ADAMTSL1: variants seen among roughly 807,000 people sequenced by gnomAD.
ADAMTSL1 encodes ADAMTS like 1.
A neutral mutation model predicts 201.8 loss-of-function variants in ADAMTSL1; 126 were observed. The observed-to-expected ratio is 0.62, with a 90% CI of 0.54 to 0.72. The LOEUF is 0.72. Ranked by LOEUF, ADAMTSL1 falls within the 30% of genes least tolerant of loss-of-function variation. The pLI, the probability that ADAMTSL1 is intolerant of heterozygous loss-of-function variation, is 0.00. For synonymous variants in ADAMTSL1, 1,121 were observed against 903.4 expected (o/e 1.24, Z -4.32); for missense variants, 2,679 against 2,277.8 (o/e 1.18, Z -3.59).
At chr9:18,886,183 T>TACACACAC (rs1382243934) in intron 23 of ADAMTSL1, among the ~76,000 whole-genome samples, 6 of 121,178 alleles carry the variant, frequency 5.0e-5, no homozygotes, top group Admixed American at 4.9e-4. Context: ...TATATATATA[T>TACACACAC]ATATATATAT....
intron 27 of ADAMTSL1, 108 bp downstream of exon 27, chr9:18,905,999 C>T (rs1830289728): frequency 1.1e-6 from 1 of 930,120 alleles, no homozygotes; most frequent in Non-Finnish European, 1.6e-6. Flanking sequence ...GTCCCAAGCC[C>T]TGCCTGGGAC....
At chr9:17,942,795 ACCTTGTAG>A (rs1376903430) in intron 1 of ADAMTSL1, among the ~76,000 whole-genome samples, 1 of 152,174 alleles carries the variant, frequency 6.6e-6, no homozygotes, top group African/African-American at 2.4e-5. Context: ...ATAATTAGGT[ACCTTGTAG>A]TCTCAATAAA....
intron 3 of ADAMTSL1, among the ~76,000 whole-genome samples, chr9:18,559,466 C>G (rs1314771015): frequency 6.6e-6 from 1 of 151,954 alleles, no homozygotes; most frequent in African/African-American, 2.4e-5. Context: ...GTTCTTTTTG[C>G]TTAGAATTTT....
rs1489849389 is a variant in ADAMTSL1, at chr9:18,817,373, G to T, written c.3934+136G>T. ...GAAAGCCAAAGCATGAACCTCAGTC[G>T]CTCTGAAAGTAGAAAGTGCTACAGA... On this transcript the variant is annotated intron_variant, in intron 21 of 28. Coordinates refer to ENST00000380548, the MANE Select transcript of ADAMTSL1 (RefSeq NM_001040272.6). 1.1e-4 allele frequency: 90 copies of T among 857,116 alleles called. 1 individual carries two copies. The highest frequency in any genetic ancestry group is 1.7e-6 in the Non-Finnish European group (1 of 582,086). The allele number at this position is 857,116 out of a possible 1,614,324, so 53.1% of individuals were successfully genotyped here. A position where few individuals can be genotyped will look rare whatever the true frequency, so the allele number is the denominator to read the frequency against.
At chr9:18,573,988 TC>T in intron 3 of ADAMTSL1, 41 bp from the exon 4 acceptor site, 1 of 1,532,642 alleles carries the variant, frequency 6.5e-7, no homozygotes, top group South Asian at 1.2e-5. Context: ...TTTGGGGGTA[TC>T]CTCCTAACCT....
rs141022715 is a variant in ADAMTSL1 at position 18,819,490 on chromosome 9, C to A, written c.3934+2253C>A. 6.0e-5 allele frequency among the ~76,000 whole-genome samples: 9 copies of A among 149,842 alleles called. No individual in the cohort carries two copies. The East Asian group carries it at 1.8e-3, about 29-fold the overall frequency. Reference sequence around the variant, plus strand: ...AAAAAAATAGGGGAGGAAAGTGCAGCAAAACAAGGAAATGGGCATTTAAAG... The same window carrying A: ...AAAAAAATAGGGGAGGAAAGTGCAGAAAAACAAGGAAATGGGCATTTAAAG... On this transcript the variant is annotated intron_variant, in intron 21 of 28. Transcript: ENST00000380548.
intron 16 of ADAMTSL1, among the ~76,000 whole-genome samples, chr9:18,763,839 T>A (rs1820211278): frequency 6.6e-6 from 1 of 152,182 alleles, no homozygotes; most frequent in African/African-American, 2.4e-5. Context: ...ATTCCATTGG[T>A]CTATATGTCT....
chr9:18,783,789 A>C (rs1821541899), intron 19 of ADAMTSL1, among the ~76,000 whole-genome samples: 1 of 152,200 alleles, frequency 6.6e-6, no homozygotes, highest in African/African-American at 2.4e-5. Context: ...ACAAACAAAA[A>C]ATTATAATAT....
At chr9:18,064,848 G>C (rs1384586867) in intron 1 of ADAMTSL1, among the ~76,000 whole-genome samples, 1 of 150,154 alleles carries the variant, frequency 6.7e-6, no homozygotes, top group Non-Finnish European at 1.5e-5. Flanking sequence ...AGATGTCTTT[G>C]AGTCAAGACA....
chr9:18,542,583 GAC>G (rs1161021000), intron 3 of ADAMTSL1, among the ~76,000 whole-genome samples: 1 of 152,172 alleles, frequency 6.6e-6, no homozygotes, highest in Admixed American at 6.5e-5. Flanking sequence ...GACATGTGAA[GAC>G]ACAGAAGAAG....
At chr9:18,573,756 G>C (rs774108668) in intron 3 of ADAMTSL1, among the ~76,000 whole-genome samples, 3 of 152,284 alleles carry the variant, frequency 2.0e-5, no homozygotes, top group Non-Finnish European at 2.9e-5. Flanking sequence ...AAAAATGTAT[G>C]TCCCACCTAA....
intron 17 of ADAMTSL1, among the ~76,000 whole-genome samples, chr9:18,772,429 AGGTCCCATT>A (rs1221976721): frequency 3.3e-5 from 5 of 152,274 alleles, no homozygotes; most frequent in Admixed American, 2.0e-4. Context: ...ACTAAGAAAA[AGGTCCCATT>A]GGTCCCATTA....
intron 9 of ADAMTSL1, among the ~76,000 whole-genome samples, chr9:18,663,280 T>C (rs987438424): frequency 1.3e-5 from 2 of 152,158 alleles, no homozygotes; most frequent in Non-Finnish European, 2.9e-5. Flanking sequence ...GAACTCAGAA[T>C]AACAGGTTTT....
At chr9:18,376,542 T>C (rs1465170194) in intron 2 of ADAMTSL1, among the ~76,000 whole-genome samples, 1 of 152,180 alleles carries the variant, frequency 6.6e-6, no homozygotes, top group South Asian at 2.1e-4. Context: ...CGGTGGCTCA[T>C]GCCTGTAATC....
intron 2 of ADAMTSL1, among the ~76,000 whole-genome samples, chr9:18,258,343 T>A (rs930390658): frequency 1.3e-5 from 2 of 152,116 alleles, no homozygotes; most frequent in African/African-American, 4.8e-5. Flanking sequence ...CGAGGAATTA[T>A]CTGAAATAAA....
At chr9:18,842,909 A>G (rs1337776914) in intron 23 of ADAMTSL1, among the ~76,000 whole-genome samples, 1 of 151,854 alleles carries the variant, frequency 6.6e-6, no homozygotes, top group Non-Finnish European at 1.5e-5. Context: ...CCATCCTTTT[A>G]TTTTGAGCCT....
intron 15 of ADAMTSL1, among the ~76,000 whole-genome samples, chr9:18,729,935 G>A (rs117850222): frequency 0.016 from 2,365 of 152,306 alleles, 35 homozygotes; most frequent in Middle Eastern, 0.027. Flanking sequence ...ACTTTCTTCT[G>A]TGGATATGGT....
chr9:17,998,053 C>T (rs1250422585), intron 1 of ADAMTSL1, among the ~76,000 whole-genome samples: 2 of 152,038 alleles, frequency 1.3e-5, no homozygotes, highest in African/African-American at 4.8e-5. Flanking sequence ...ACTGAATATT[C>T]TCCATTAATA....
intron 1 of ADAMTSL1, among the ~76,000 whole-genome samples, chr9:17,918,297 C>G (rs1266449922): frequency 6.6e-6 from 1 of 151,068 alleles, no homozygotes; most frequent in African/African-American, 2.4e-5. Context: ...TAAATATTCC[C>G]TAAGTTGTGC....
Sources: allele counts gnomAD v4.1 joint callset (sites outside exome capture counted in the v4.1 genomes callset), GRCh38; gene constraint gnomAD v4.1.1; transcripts MANE v1.5; gene names NCBI Gene and HGNC (gene_info 2026-07-23, HGNC 2026-07-21).